BANP: variants seen among roughly 807,000 people sequenced by gnomAD.
BANP encodes the protein protein BANP.
Under a neutral mutation model 68.1 loss-of-function variants are expected in BANP, and 11 were observed. That is an observed-to-expected ratio of 0.16 (90% CI 0.10 to 0.27). The LOEUF is 0.27. BANP is among the 10% of genes least tolerant of loss of function. BANP has a pLI of 1.00. For missense variants in BANP, 504 were observed against 722.7 expected, an observed-to-expected ratio of 0.70 and a Z score of 3.47; for synonymous variants, 329 against 303.2, an observed-to-expected ratio of 1.09 and a Z score of -0.88.
intron 13 of BANP, among the ~76,000 whole-genome samples, chr16:88,073,207 G>A (rs762760059): frequency 6.6e-6 from 1 of 152,252 alleles, no homozygotes. Flanking sequence ...CAGGTCGCCA[G>A]GCTGGGCGGT....
intron 1 of BANP, among the ~76,000 whole-genome samples, chr16:87,970,986 T>C (rs8052276): frequency 0.68 from 100,943 of 149,414 alleles, 34,934 homozygotes; most frequent in African/African-American, 0.8. Context: ...CACTGCACTC[T>C]GGCCTGGGCA....
At chr16:87,983,496 G>T (rs1032911699) in intron 3 of BANP, among the ~76,000 whole-genome samples, 3 of 152,204 alleles carry the variant, frequency 2.0e-5, no homozygotes, top group Non-Finnish European at 4.4e-5. Context: ...ATCCGGAGGA[G>T]ACTCAGCCGG....
intron 1 of BANP, among the ~76,000 whole-genome samples, chr16:87,968,540 T>G (rs2060532430): frequency 6.6e-6 from 1 of 152,040 alleles, no homozygotes; most frequent in Non-Finnish European, 1.5e-5. Flanking sequence ...CTTCTGGTTC[T>G]TACTCTGGAA....
chr16:88,066,235 G>GT (rs2088556736), intron 12 of BANP, among the ~76,000 whole-genome samples: 1 of 152,336 alleles, frequency 6.6e-6, no homozygotes, highest in East Asian at 1.9e-4. Flanking sequence ...CTGAGATGAG[G>GT]TTCACCAACG....
At chr16:87,995,992 A>C (rs1356226539) in intron 4 of BANP, among the ~76,000 whole-genome samples, 1 of 152,146 alleles carries the variant, frequency 6.6e-6, no homozygotes, top group Non-Finnish European at 1.5e-5. Context: ...GGGGCATTTG[A>C]AAGTTGTTTA....
chr16:88,037,041 T>C (rs1400020607), intron 10 of BANP, among the ~76,000 whole-genome samples: 1 of 152,118 alleles, frequency 6.6e-6, no homozygotes, highest in Non-Finnish European at 1.5e-5. Context: ...GAGGCTAAGC[T>C]CACTGCCAAA....
At chr16:88,048,231 G>C (rs529628409) in intron 11 of BANP, among the ~76,000 whole-genome samples, 4 of 152,346 alleles carry the variant, frequency 2.6e-5, no homozygotes, top group African/African-American at 9.6e-5. Flanking sequence ...AATTTGATGT[G>C]ATTGAAGACT....
intron 1 of BANP, among the ~76,000 whole-genome samples, chr16:87,973,764 A>AAAAAAG (rs2061538425): frequency 1.2e-5 from 1 of 80,422 alleles, no homozygotes; most frequent in African/African-American, 9.4e-5. Context: ...AAAAAAAAAA[A>AAAAAAG]AAAAAAAAAA....
chr16:87,971,737 T>A (rs1210811565), intron 1 of BANP, among the ~76,000 whole-genome samples: 2 of 152,166 alleles, frequency 1.3e-5, no homozygotes, highest in African/African-American at 4.8e-5. Context: ...GCACCCTCCG[T>A]CCTGTTTTCT....
At chr16:87,982,299 T>C (rs2063429515) in intron 3 of BANP, among the ~76,000 whole-genome samples, 1 of 152,230 alleles carries the variant, frequency 6.6e-6, no homozygotes, top group Non-Finnish European at 1.5e-5. Flanking sequence ...GTGACTTGCG[T>C]AGAGTCGTGT....
At chr16:88,049,960 T>C (rs931666141) in intron 11 of BANP, among the ~76,000 whole-genome samples, 2 of 152,262 alleles carry the variant, frequency 1.3e-5, no homozygotes, top group African/African-American at 4.8e-5. Context: ...GTTGTTCTAA[T>C]TGGAGTATAA....
intron 4 of BANP, among the ~76,000 whole-genome samples, chr16:87,992,458 C>T (rs1180818587): frequency 1.3e-5 from 2 of 151,954 alleles, no homozygotes; most frequent in African/African-American, 4.8e-5. Context: ...TAGAATTTGC[C>T]AGTGAAGCCT....
chr16:87,959,512 G>A (rs1187877852), intron 1 of BANP, among the ~76,000 whole-genome samples: 1 of 152,252 alleles, frequency 6.6e-6, no homozygotes, highest in Admixed American at 6.5e-5. Flanking sequence ...TTGCGAGGGA[G>A]GCGGCTGACC....
At chr16:88,040,523 T>C in intron 11 of BANP, among the ~76,000 whole-genome samples, 1 of 149,044 alleles carries the variant, frequency 6.7e-6, no homozygotes, top group East Asian at 2.0e-4. Context: ...GCCCATTCGC[T>C]CTCCTCCCCG....
rs371747885 is a variant in BANP, at chr16:88,073,943, C to T, written c.1521+1731C>T. On this transcript the variant is annotated intron_variant, in intron 13 of 13. Transcript: ENST00000682872. ...GATCCATCGTAACAGCCAAGGAAGA[C>T]GGCGTGCTTAAGGGGCCGCTTTCCC... is the stretch of plus-strand genomic sequence containing the variant. 6.6e-4 allele frequency among the ~76,000 whole-genome samples: 101 copies of T among 152,354 alleles called. 1 individual carries two copies. The highest frequency in any genetic ancestry group is 2.2e-3 in the African/African-American group (90 of 41,586).
rs140455102 is a variant in BANP at position 87,981,080 on chromosome 16, T to C, written c.115T>C (p.Leu39=). 296 of 1,613,996 alleles carry C rather than the reference T, an allele frequency of 1.8e-4. No homozygotes were observed. Among genetic ancestry groups the C allele is most frequent in the Non-Finnish European group, 2.1e-4 (245 of 1,180,022 alleles). Residue 39 remains leucine (L), a synonymous_variant, in exon 3 of 14, where the codon TTG becomes CTG. Coordinates refer to ENST00000682872, the MANE Select transcript of BANP (RefSeq NM_001386991.1). ...HVVTDEDEPA[L]KRQRLEINCQ... ...AGTGACAGATGAAGACGAACCTGCT[T>C]TGAAACGCCAGCGACTAGAAATCAA...
chr16:88,055,003 A>G (rs1372389537), intron 11 of BANP, among the ~76,000 whole-genome samples: 1 of 152,192 alleles, frequency 6.6e-6, no homozygotes. Context: ...TTTCAGTCAC[A>G]TGGGAAGCTT....
Position 88,057,636 on chromosome 16 carries a change from C to T in BANP, c.1312-7631C>T, listed in dbSNP as rs563212057. ...AAATTGGAAGAATGTTCTTCACACC[C>T]TTCATGTTGGCAATGTTTGGGTCCT... On this transcript the variant is annotated intron_variant, in intron 11 of 13. Coordinates refer to ENST00000682872, the MANE Select transcript of BANP (RefSeq NM_001386991.1). This position sits in a 1 kb window ranked among gnomAD's most constrained non-coding sequence, Gnocchi z 4.6. Among the ~76,000 whole-genome samples, 90 of 152,174 alleles carry T rather than the reference C, an allele frequency of 5.9e-4. No homozygotes were observed. The highest frequency in any genetic ancestry group is 3.4e-3 in the Middle Eastern group (1 of 294).
At chr16:88,025,860 C>G (rs1486658117) in intron 7 of BANP, among the ~76,000 whole-genome samples, 1 of 152,214 alleles carries the variant, frequency 6.6e-6, no homozygotes, top group East Asian at 1.9e-4. Context: ...CTTTTTATTA[C>G]TACAATTTTG....
Sources: allele counts gnomAD v4.1 joint callset (sites outside exome capture counted in the v4.1 genomes callset), GRCh38; gene constraint gnomAD v4.1.1; non-coding constraint Gnocchi (gnomAD v3.1); transcripts MANE v1.5; gene names NCBI Gene and HGNC (gene_info 2026-07-23, HGNC 2026-07-21).